DZIP1: variants seen among roughly 807,000 people sequenced by gnomAD.
DZIP1 encodes cilium assembly protein DZIP1.
A neutral mutation model predicts 107.6 loss-of-function variants in DZIP1; 97 were observed. The observed-to-expected ratio is 0.90, with a 90% CI of 0.77 to 1.07. The LOEUF (loss-of-function observed/expected upper bound fraction) is 1.07, where lower values mean the gene tolerates loss of function less well. Among genes scored for constraint, DZIP1 ranks in the 50% least tolerant of loss-of-function variants. The probability of loss-of-function intolerance (pLI) is 0.00; values close to 1 mark genes in which losing one functional copy is unlikely to be tolerated. For missense variants in DZIP1, 1,035 were observed against 1,063.6 expected (o/e 0.97, Z 0.37); for synonymous variants, 390 against 386.4 (o/e 1.01, Z -0.11).
chr13:95,589,133 C>T, intron 19 of DZIP1, 21 bp downstream of exon 19: 1 of 1,595,958 alleles, frequency 6.3e-7, no homozygotes, highest in Non-Finnish European at 8.6e-7. Context: ...AAATGACCCT[C>T]CCATCCCTGT....
chr13:95,633,386 A>G, intron 5 of DZIP1, 65 bp from the exon 6 acceptor site: 1 of 1,413,848 alleles, frequency 7.1e-7, no homozygotes, highest in Non-Finnish European at 1.0e-6. Flanking sequence ...AATTGCAATT[A>G]AAATTCAGGT....
chr13:95,635,096 C>A (rs1393082823), intron 5 of DZIP1, among the ~76,000 whole-genome samples: 1 of 152,078 alleles, frequency 6.6e-6, no homozygotes. Flanking sequence ...CATTGTGTCA[C>A]TGAACATGTT....
In DZIP1 at chr13:95,625,710, T is replaced by G. The variant is rs538540357; in HGVS notation, c.811-781A>C. Among the ~76,000 whole-genome samples, 3 of 152,130 alleles carry G rather than the reference T, an allele frequency of 2.0e-5. No individual in the cohort carries two copies. In the East Asian group the frequency reaches 5.8e-4, roughly 29 times the overall value. ...ACCAATGGGTTAAGGAAAAACTCAC[T>G]AGGGAAATTGGAAGATACTGTGAGG... On this transcript the variant is annotated intron_variant, in intron 7 of 22. Coordinates refer to ENST00000376829, the MANE Select transcript of DZIP1 (RefSeq NM_198968.4).
rs1178696954 is a variant in DZIP1 at position 95,606,013 on chromosome 13, T to C, written c.1467A>G (p.Pro489=). The change falls in exon 14 of 23, where the codon CCA becomes CCG. Residue 489 remains proline (P), a synonymous_variant. Coordinates refer to ENST00000376829, the MANE Select transcript of DZIP1 (RefSeq NM_198968.4). ...LHTLETKSSL[P]MVHEQAFSSH... is the part of the protein sequence containing the mutation. The stretch of plus-strand genomic sequence containing the variant: ...ATTACTGAAACTTACCATGCACCAT[T>C]GGCAGACTTGATTTAGTTTCCAAAG... The C allele has an allele frequency of 6.2e-7, 1 of 1,614,014 alleles. No homozygotes were observed. The highest frequency in any genetic ancestry group is 1.7e-5 in the Admixed American group (1 of 60,020).
intron 9 of DZIP1, among the ~76,000 whole-genome samples, chr13:95,620,234 A>C (rs1875659342): frequency 6.6e-6 from 1 of 151,542 alleles, no homozygotes; most frequent in African/African-American, 2.4e-5. Flanking sequence ...TTCCCTCTTC[A>C]CTCTTTCCTG....
intron 8 of DZIP1, among the ~76,000 whole-genome samples, chr13:95,622,954 A>G (rs1003362734): frequency 3.3e-5 from 5 of 152,020 alleles, no homozygotes; most frequent in Non-Finnish European, 5.9e-5. Context: ...CATGTTGCCC[A>G]GGCTGGTCTC....
chr13:95,589,956 G>A (rs766971705), intron 17 of DZIP1, 24 bp from the exon 18 acceptor site: 64 of 1,610,426 alleles, frequency 4.0e-5, no homozygotes, highest in Middle Eastern at 1.7e-4. Context: ...TCATTCATGA[G>A]TCTCCATTAC....
intron 10 of DZIP1, among the ~76,000 whole-genome samples, chr13:95,614,125 CAAAAAAAAAAA>C (rs11327779): frequency 1.4e-5 from 1 of 73,432 alleles, no homozygotes; most frequent in African/African-American, 5.2e-5. Context: ...GACCCTGTCT[CAAAAAAAAAAA>C]AAAAAAAAAA....
At chr13:95,591,717 TTCC>T (rs1318669439) in intron 16 of DZIP1, among the ~76,000 whole-genome samples, 1 of 152,270 alleles carries the variant, frequency 6.6e-6, no homozygotes, top group African/African-American at 2.4e-5. Flanking sequence ...CATGCCTGTC[TTCC>T]TATACCATGT....
At chr13:95,635,220 A>C (rs1422739015) in intron 5 of DZIP1, among the ~76,000 whole-genome samples, 2 of 115,760 alleles carry the variant, frequency 1.7e-5, no homozygotes, top group African/African-American at 6.2e-5. Flanking sequence ...TTTTTTTTTA[A>C]GTGTCTCCCT....
rs989961138 is a variant in DZIP1, at chr13:95,580,777, C to T, written c.*1457G>A. ...GTTTTGTAGATTGCCGTTCTCTGTC[C>T]TACCACATGAAACTTGGATTCGGCC... is the stretch of plus-strand genomic sequence containing the variant. On this transcript the variant is annotated 3_prime_UTR_variant, in exon 23 of 23. Coordinates refer to ENST00000376829, the MANE Select transcript of DZIP1 (RefSeq NM_198968.4). The T allele has an allele frequency of 2.0e-5, 3 of 152,184 alleles. No individual in the cohort carries two copies. Among genetic ancestry groups the T allele is most frequent in the African/African-American group, 7.2e-5 (3 of 41,424 alleles). The allele number at this position is 152,184 out of a possible 1,614,324, so 9.4% of individuals were successfully genotyped here.
At chr13:95,605,908 A>G (rs1365535654) in intron 14 of DZIP1, 95 bp downstream of exon 14, 2 of 1,254,150 alleles carry the variant, frequency 1.6e-6, no homozygotes, top group East Asian at 2.4e-5. Flanking sequence ...CTGTTTTATT[A>G]TTAATTACCT....
At chr13:95,604,094 C>A (rs182713754) in intron 14 of DZIP1, among the ~76,000 whole-genome samples, 2 of 152,188 alleles carry the variant, frequency 1.3e-5, no homozygotes, top group Admixed American at 6.5e-5. Flanking sequence ...ACTGTGGCTG[C>A]GTCTAGGTTC....
chr13:95,639,971 G>A (rs974802658), intron 5 of DZIP1, among the ~76,000 whole-genome samples: 2 of 150,470 alleles, frequency 1.3e-5, no homozygotes, highest in Middle Eastern at 3.2e-3. Flanking sequence ...ATTCCTAATT[G>A]TTCCCTTATC....
At chr13:95,615,531 C>G (rs1386834489) in intron 10 of DZIP1, among the ~76,000 whole-genome samples, 1 of 152,200 alleles carries the variant, frequency 6.6e-6, no homozygotes, top group Non-Finnish European at 1.5e-5. Context: ...TCTACTAAAT[C>G]AAGATCTCAG....
In DZIP1 at chr13:95,612,261, GC is replaced by G. The variant is rs1461560406; in HGVS notation, c.1174-85del. Reference sequence around the variant, plus strand: ...TCCAGATTTCAGGTATACATGCTCTGCCTGTTTTGCTAGCCTGATGCTATCC... The same window carrying G: ...TCCAGATTTCAGGTATACATGCTCTGCTGTTTTGCTAGCCTGATGCTATCC... On this transcript the variant is annotated intron_variant, in intron 10 of 22. Transcript: ENST00000376829. 2.7e-6 allele frequency: 4 copies of G among 1,468,018 alleles called. No individual in the cohort carries two copies. The African/African-American group carries it at 5.6e-5, about 21-fold the overall frequency. 90.9% of individuals were successfully genotyped at this position (1,468,018 alleles called of 1,614,324 possible).
intron 5 of DZIP1, among the ~76,000 whole-genome samples, chr13:95,639,480 A>C (rs1878220534): frequency 6.6e-6 from 1 of 151,724 alleles, no homozygotes. Context: ...AGTCCCAGCT[A>C]CTCAAGAAGC....
rs1306114415 is a variant in DZIP1 at position 95,630,004 on chromosome 13, T to C, written c.795A>G (p.Ala265=). ...SELEAAHHAS[A]VRFSKEYEMQ... Reference sequence around the variant, plus strand: ...TGCCTGGTACCTTGGAGAATCTGACTGCACTGGCATGGTGTGCAGCCTCTA... The same window carrying C: ...TGCCTGGTACCTTGGAGAATCTGACCGCACTGGCATGGTGTGCAGCCTCTA... Residue 265 remains alanine (A), a synonymous_variant, in exon 7 of 23, where the codon GCA becomes GCG. Transcript: ENST00000376829. 6.2e-7 allele frequency: 1 copy of C among 1,605,056 alleles called. No individual in the cohort carries two copies. Among genetic ancestry groups the C allele is most frequent in the Non-Finnish European group, 8.5e-7 (1 of 1,177,550 alleles).
chr13:95,621,675 T>TGTGTGC (rs1458853803), intron 9 of DZIP1, among the ~76,000 whole-genome samples: 2 of 129,992 alleles, frequency 1.5e-5, no homozygotes, highest in Non-Finnish European at 3.1e-5. Flanking sequence ...AGTGTGTGTG[T>TGTGTGC]GTGTGTGTGT....
Sources: gnomAD v4.1 joint callset for allele counts (sites outside exome capture counted in the v4.1 genomes callset) on GRCh38, gnomAD v4.1.1 for gene constraint, MANE v1.5 for transcripts, NCBI Gene and HGNC (gene_info 2026-07-23, HGNC 2026-07-21) for gene names.